The following HDAC4 variants were observed in gnomAD, a reference collection of about 807,000 sequenced individuals.
HDAC4 encodes the protein histone deacetylase 4.
A neutral mutation model predicts 135.1 loss-of-function variants in HDAC4; 16 were observed. That is an observed-to-expected ratio of 0.12 (90% confidence interval 0.08 to 0.18). The LOEUF (loss-of-function observed/expected upper bound fraction) is 0.18. Ranked by LOEUF, HDAC4 falls within the 10% of genes least tolerant of loss-of-function variation. HDAC4 has a pLI of 1.00. For synonymous variants in HDAC4, 685 were observed against 653.4 expected (o/e 1.05, Z -0.74); for missense variants, 1,143 against 1,511.8 (o/e 0.76, Z 4.05).
intron 22 of HDAC4, among the ~76,000 whole-genome samples, chr2:239,072,911 ACT>A (rs1188836354): frequency 6.6e-6 from 1 of 152,066 alleles, no homozygotes; most frequent in East Asian, 1.9e-4. Context: ...CCCGCGGGCT[ACT>A]CTCTAGAGGG....
intron 17 of HDAC4, 132 bp downstream of exon 17, chr2:239,094,878 A>G (rs1325964970): frequency 4.4e-6 from 7 of 1,590,144 alleles, no homozygotes; most frequent in East Asian, 2.3e-5. Context: ...GAAGCCGCAC[A>G]TGGGCAGCCC....
Position 239,174,167 on chromosome 2 carries a change from A to C in HDAC4, c.490+2246T>G, listed in dbSNP as rs375592626. On this transcript the variant is annotated intron_variant, in intron 5 of 26. Coordinates refer to ENST00000543185, the MANE Select transcript of HDAC4 (RefSeq NM_001378414.1). Reference sequence around the variant, plus strand: ...CTTAAGGCACAAAATCATCTAAAGGAAAAGACTGAAACTGTATTAGAAGGG... The same window carrying C: ...CTTAAGGCACAAAATCATCTAAAGGCAAAGACTGAAACTGTATTAGAAGGG... Among the ~76,000 whole-genome samples the C allele has an allele frequency of 3.0e-4, 46 of 152,332 alleles. No individual in the cohort carries two copies. In the South Asian group the frequency reaches 9.1e-3, roughly 30 times the overall value.
intron 2 of HDAC4, among the ~76,000 whole-genome samples, chr2:239,350,854 A>G (rs1042649814): frequency 6.6e-6 from 1 of 152,208 alleles, no homozygotes; most frequent in African/African-American, 2.4e-5. Flanking sequence ...TTAGACTGAA[A>G]CAAAATCCTA....
At chr2:239,243,295 G>A (rs1012240732) in intron 2 of HDAC4, among the ~76,000 whole-genome samples, 3 of 151,980 alleles carry the variant, frequency 2.0e-5, no homozygotes, top group African/African-American at 7.3e-5. Context: ...TGAGACTACA[G>A]GCACCCGCCA....
At chr2:239,257,007 T>C (rs1575541239) in intron 2 of HDAC4, among the ~76,000 whole-genome samples, 1 of 152,222 alleles carries the variant, frequency 6.6e-6, no homozygotes, top group Non-Finnish European at 1.5e-5. Context: ...TATTCTCACA[T>C]AAACTTGCTG....
chr2:239,291,909 A>G (rs1291123197), intron 2 of HDAC4, among the ~76,000 whole-genome samples: 2 of 152,224 alleles, frequency 1.3e-5, no homozygotes, highest in Non-Finnish European at 2.9e-5. Flanking sequence ...TGTTTGCAAG[A>G]GTTCCCGCTC....
intron 24 of HDAC4, among the ~76,000 whole-genome samples, chr2:239,062,213 C>T (rs988060120): frequency 2.6e-5 from 4 of 152,270 alleles, no homozygotes; most frequent in East Asian, 3.8e-4. Context: ...TCCAGACCTA[C>T]GCGCTGAAGA....
chr2:239,064,058 C>T (rs781461025), intron 24 of HDAC4, among the ~76,000 whole-genome samples: 7 of 152,192 alleles, frequency 4.6e-5, no homozygotes, highest in Non-Finnish European at 7.3e-5. Context: ...GACGGAGCCT[C>T]GTAGGTTCTA....
At position 239,163,928 on chromosome 2, in the gene HDAC4, C is replaced by T. The variant is rs752797673; in HGVS notation, c.491-5G>A. 3.7e-5 allele frequency: 59 copies of T among 1,613,822 alleles called. No individual in the cohort carries two copies. Among genetic ancestry groups the T allele is most frequent in the East Asian group, 3.6e-4 (16 of 44,860 alleles). Reference sequence around the variant, plus strand: ...CTTCTGTGCTGGCCACGGCACCTGGCGTGGGAGAAAGCATAGCAGGGGGTG... The same window carrying T: ...CTTCTGTGCTGGCCACGGCACCTGGTGTGGGAGAAAGCATAGCAGGGGGTG... On this transcript the variant is annotated splice_polypyrimidine_tract_variant and splice_region_variant and intron_variant, in intron 5 of 26. Coordinates refer to ENST00000543185, the MANE Select transcript of HDAC4 (RefSeq NM_001378414.1).
intron 2 of HDAC4, among the ~76,000 whole-genome samples, chr2:239,252,177 G>A (rs962909475): frequency 4.6e-5 from 7 of 152,312 alleles, no homozygotes; most frequent in East Asian, 3.9e-4. Context: ...GATTCTGGCC[G>A]GGAGTGTGGG....
intron 2 of HDAC4, among the ~76,000 whole-genome samples, chr2:239,346,594 C>T (rs2125894902): frequency 6.7e-6 from 1 of 149,762 alleles, no homozygotes; most frequent in Non-Finnish European, 1.5e-5. Context: ...AACACACACA[C>T]CTGTCTAAAA....
At chr2:239,227,821 G>A (rs774808310) in intron 3 of HDAC4, among the ~76,000 whole-genome samples, 39 of 152,160 alleles carry the variant, frequency 2.6e-4, no homozygotes, top group Non-Finnish European at 4.4e-4. Context: ...GAGAGTCATC[G>A]CCCTGCAGAT....
chr2:239,193,070 A>G (rs929255976), intron 3 of HDAC4, among the ~76,000 whole-genome samples: 8 of 152,182 alleles, frequency 5.3e-5, no homozygotes, highest in African/African-American at 1.9e-4. Context: ...ACAGCGTTGC[A>G]TCTTGGAAGC....
At chr2:239,123,640 G>T (rs559054609) in intron 12 of HDAC4, among the ~76,000 whole-genome samples, 1 of 152,222 alleles carries the variant, frequency 6.6e-6, no homozygotes, top group Non-Finnish European at 1.5e-5. Flanking sequence ...CGGACACCAC[G>T]CAATCAAAGC....
chr2:239,348,516 G>A (rs1402105760), intron 2 of HDAC4, among the ~76,000 whole-genome samples: 1 of 152,232 alleles, frequency 6.6e-6, no homozygotes, highest in African/African-American at 2.4e-5. Flanking sequence ...GTTACTTGGA[G>A]AACTGTCCTT....
chr2:239,148,286 T>C (rs536208745), intron 7 of HDAC4, among the ~76,000 whole-genome samples: 11 of 151,994 alleles, frequency 7.2e-5, no homozygotes, highest in Admixed American at 6.5e-4. Flanking sequence ...GGAGAAAAAG[T>C]TGAGAATTGT....
intron 1 of HDAC4, among the ~76,000 whole-genome samples, chr2:239,384,673 CG>C (rs1026074654): frequency 2.0e-5 from 3 of 152,076 alleles, no homozygotes; most frequent in African/African-American, 7.2e-5. Flanking sequence ...GCCCTGCATC[CG>C]AAGGAATGGG....
intron 24 of HDAC4, among the ~76,000 whole-genome samples, chr2:239,062,574 A>G (rs2032916380): frequency 6.6e-6 from 1 of 152,284 alleles, no homozygotes; most frequent in Non-Finnish European, 1.5e-5. Context: ...CCACGGCTGA[A>G]AGCGAAGTTC....
intron 2 of HDAC4, among the ~76,000 whole-genome samples, chr2:239,275,790 T>G (rs747902344): frequency 1.4e-4 from 22 of 152,068 alleles, no homozygotes; most frequent in Non-Finnish European, 2.8e-4. Flanking sequence ...CCAGGACCCC[T>G]GCCTTCCAGG....
Sources: gnomAD v4.1 joint callset for allele counts (sites outside exome capture counted in the v4.1 genomes callset) on GRCh38, gnomAD v4.1.1 for gene constraint, MANE v1.5 for transcripts, NCBI Gene and HGNC (gene_info 2026-07-23, HGNC 2026-07-21) for gene names.